PTPRT: variants seen among roughly 807,000 people sequenced by gnomAD.
PTPRT encodes the protein protein tyrosine phosphatase receptor type T.
PTPRT carries 56 observed loss-of-function variants against 176.8 expected under a neutral mutation model. That is an observed-to-expected ratio of 0.32 (90% CI 0.26 to 0.40). The LOEUF (loss-of-function observed/expected upper bound fraction) is 0.40, where lower values mean the gene tolerates loss of function less well. Among genes scored for constraint, PTPRT ranks in the 10% least tolerant of loss-of-function variants. PTPRT has a pLI of 1.00. For missense variants in PTPRT, 1,540 were observed against 1,908.2 expected (o/e 0.81, Z 3.60); for synonymous variants, 783 against 739.0 (o/e 1.06, Z -0.96).
chr20:42,511,498 T>C (rs6030295), intron 7 of PTPRT, among the ~76,000 whole-genome samples: 64,867 of 151,468 alleles, frequency 0.43, 15,770 homozygotes, highest in Non-Finnish European at 0.55. Flanking sequence ...ATAGTACTCA[T>C]CGTTTGTGGA....
At position 42,231,617 on chromosome 20, in the gene PTPRT, G is replaced by T. The variant is rs145996789; in HGVS notation, c.2342+4612C>A. On this transcript the variant is annotated intron_variant, in intron 15 of 30. Transcript: ENST00000373187. The stretch of plus-strand genomic sequence containing the variant: ...AGCTCAATAAGACAGGATGAATCTT[G>T]ACTGTCACACTCTTCCTACGCTCAA... Among the ~76,000 whole-genome samples the T allele has an allele frequency of 5.2e-3, 789 of 152,212 alleles. 8 individuals carry two copies. The highest frequency in any genetic ancestry group is 0.018 in the African/African-American group (760 of 41,506).
chr20:42,140,375 C>G (rs1022565062), intron 18 of PTPRT, among the ~76,000 whole-genome samples: 2 of 152,210 alleles, frequency 1.3e-5, no homozygotes, highest in African/African-American at 4.8e-5. Context: ...AATTAGAATA[C>G]ATGCTTAGCA....
chr20:42,886,397 G>A (rs191149490), intron 1 of PTPRT, among the ~76,000 whole-genome samples: 24 of 152,226 alleles, frequency 1.6e-4, no homozygotes, highest in African/African-American at 5.5e-4. Context: ...GAGCATCTCC[G>A]TTTCCTCACC....
intron 1 of PTPRT, among the ~76,000 whole-genome samples, chr20:43,079,360 T>C (rs2011376184): frequency 6.6e-6 from 1 of 152,184 alleles, no homozygotes; most frequent in African/African-American, 2.4e-5. Flanking sequence ...CCATTGTTAT[T>C]TTTTCTTTAA....
chr20:42,356,730 C>T (rs1032630587), intron 9 of PTPRT, among the ~76,000 whole-genome samples: 71 of 152,178 alleles, frequency 4.7e-4, no homozygotes, highest in African/African-American at 1.7e-3. Flanking sequence ...CCAATCATGT[C>T]GTAAGAGCAA....
chr20:42,650,086 T>A (rs1378572554), intron 7 of PTPRT, among the ~76,000 whole-genome samples: 1 of 152,170 alleles, frequency 6.6e-6, no homozygotes, highest in Non-Finnish European at 1.5e-5. Context: ...AGCACTCACA[T>A]CATTGCCAGA....
At chr20:42,835,774 C>G (rs1219641037) in intron 2 of PTPRT, among the ~76,000 whole-genome samples, 1 of 151,992 alleles carries the variant, frequency 6.6e-6, no homozygotes, top group Non-Finnish European at 1.5e-5. Context: ...AATTTTCTAT[C>G]TTAATAATCA....
chr20:42,116,263 G>A (rs972766290), intron 21 of PTPRT, among the ~76,000 whole-genome samples: 6 of 152,134 alleles, frequency 3.9e-5, no homozygotes, highest in South Asian at 2.1e-4. Context: ...TGTGTTTTGC[G>A]ACTCTCCAAA....
chr20:42,223,857 C>T (rs139662571), intron 15 of PTPRT, among the ~76,000 whole-genome samples: 1 of 152,244 alleles, frequency 6.6e-6, no homozygotes, highest in African/African-American at 2.4e-5. Flanking sequence ...TCCATTGTTG[C>T]TAAGCTGTTT....
intron 7 of PTPRT, among the ~76,000 whole-genome samples, chr20:42,666,977 G>A (rs371690387): frequency 2.6e-5 from 4 of 152,262 alleles, no homozygotes; most frequent in South Asian, 4.2e-4. Context: ...ATAAGAAGGT[G>A]CCTTTCCATT....
At chr20:42,475,133 T>C (rs1027325638) in intron 7 of PTPRT, among the ~76,000 whole-genome samples, 1 of 152,194 alleles carries the variant, frequency 6.6e-6, no homozygotes, top group African/African-American at 2.4e-5. Context: ...GATGGAACTG[T>C]AGCCACAAGT....
At chr20:42,286,260 G>A (rs536786108) in intron 12 of PTPRT, among the ~76,000 whole-genome samples, 4 of 151,726 alleles carry the variant, frequency 2.6e-5, no homozygotes, top group South Asian at 4.2e-4. Context: ...TCAAAAGACC[G>A]CAAATAGCCA....
chr20:42,245,969 A>T (rs1324699123), intron 14 of PTPRT, among the ~76,000 whole-genome samples: 1 of 152,206 alleles, frequency 6.6e-6, no homozygotes, highest in Admixed American at 6.5e-5. Flanking sequence ...GAGTCCAAGC[A>T]CTGTAGGTGA....
intron 1 of PTPRT, among the ~76,000 whole-genome samples, chr20:43,182,627 G>C (rs964540814): frequency 6.6e-6 from 1 of 152,108 alleles, no homozygotes; most frequent in Non-Finnish European, 1.5e-5. Flanking sequence ...CTGGCCTCAA[G>C]TGATCCATCC....
intron 7 of PTPRT, among the ~76,000 whole-genome samples, chr20:42,652,441 G>A (rs995376493): frequency 3.9e-5 from 6 of 152,154 alleles, no homozygotes; most frequent in African/African-American, 1.4e-4. Context: ...GCACGAAGCA[G>A]GGTGTTGTAA....
At chr20:42,956,305 G>T (rs1165924716) in intron 1 of PTPRT, among the ~76,000 whole-genome samples, 1 of 152,118 alleles carries the variant, frequency 6.6e-6, no homozygotes, top group Non-Finnish European at 1.5e-5. Flanking sequence ...CCTCATGAAT[G>T]GTTCAGCACC....
chr20:42,121,752 T>G (rs558431731), intron 19 of PTPRT, among the ~76,000 whole-genome samples: 10 of 149,308 alleles, frequency 6.7e-5, no homozygotes, highest in East Asian at 1.9e-4. Flanking sequence ...TATGAAGAGA[T>G]ATATATATAT....
intron 27 of PTPRT, 60 bp downstream of exon 27, chr20:42,098,361 C>A (rs1985501751): frequency 6.3e-7 from 1 of 1,599,680 alleles, no homozygotes; most frequent in Admixed American, 1.7e-5. Context: ...AGGGATCTCC[C>A]TCCAGGTTTA....
intron 16 of PTPRT, among the ~76,000 whole-genome samples, chr20:42,197,129 C>T (rs1991252479): frequency 6.6e-6 from 1 of 152,046 alleles, no homozygotes; most frequent in Admixed American, 6.5e-5. Context: ...CCTGTAATCC[C>T]AGCACTTTGG....
Sources: allele counts gnomAD v4.1 joint callset (sites outside exome capture counted in the v4.1 genomes callset), GRCh38; gene constraint gnomAD v4.1.1; transcripts MANE v1.5; gene names NCBI Gene and HGNC (gene_info 2026-07-23, HGNC 2026-07-21).